Variants in DTWD1 observed in about 807,000 individuals in gnomAD.
The protein encoded by DTWD1 is tRNA-uridine aminocarboxypropyltransferase 1.
A neutral mutation model predicts 30.2 loss-of-function variants in DTWD1; 27 were observed. The ratio of observed to expected loss-of-function variants is 0.90; its 90% CI spans 0.66 to 1.23. The LOEUF is 1.23. Ranked by LOEUF, DTWD1 falls within the 50% of genes most tolerant of loss-of-function variation. DTWD1 has a pLI of 0.00. For synonymous variants in DTWD1, 99 were observed against 113.1 expected, an observed-to-expected ratio of 0.88 and a Z score of 0.79; for missense variants, 342 against 348.8, an observed-to-expected ratio of 0.98 and a Z score of 0.15.
At chr15:49,640,569 A>G (rs1598665553) in intron 4 of DTWD1, among the ~76,000 whole-genome samples, 1 of 152,212 alleles carries the variant, frequency 6.6e-6, no homozygotes, top group East Asian at 1.9e-4. Flanking sequence ...TAAGCGCTCC[A>G]TTGATCCATA....
rs1394028805 is a variant in DTWD1 at position 49,645,174 on chromosome 15, G to A, written c.*1596G>A. The A allele has an allele frequency of 6.6e-6, 1 of 152,132 alleles. No homozygotes were observed. The allele number at this position is 152,132 out of a possible 1,614,324, so 9.4% of individuals were successfully genotyped here. On this transcript the variant is annotated 3_prime_UTR_variant, in exon 5 of 5. Coordinates refer to ENST00000403028, the MANE Select transcript of DTWD1 (RefSeq NM_001144955.2). ...TATCTTAAACTTACTTGAATATGTAGCACCTATTAACATGCCATGGAAATA... is the reference window on the plus strand; with the variant it reads ...TATCTTAAACTTACTTGAATATGTAACACCTATTAACATGCCATGGAAATA...
intron 1 of DTWD1, among the ~76,000 whole-genome samples, chr15:49,624,725 A>T (rs1295866336): frequency 1.3e-5 from 2 of 152,176 alleles, no homozygotes; most frequent in Non-Finnish European, 2.9e-5. Flanking sequence ...AACATAACCA[A>T]CTAAATTTTG....
At chr15:49,641,451 A>G (rs1262747407) in intron 4 of DTWD1, among the ~76,000 whole-genome samples, 1 of 152,028 alleles carries the variant, frequency 6.6e-6, no homozygotes, top group Non-Finnish European at 1.5e-5. Flanking sequence ...GTTATTGTTA[A>G]TATCATTATT....
Position 49,625,170 on chromosome 15 carries a change from GTC to G in DTWD1, c.8_9del (p.Leu3GlnfsTer10). M[S>X]LNPPIFLKRS... ...TTAAACTTTGGTTTGAATGAAGAAT[GTC>G]TCTCAATCCACCTATATTTCTCAAA... On this transcript the variant is annotated frameshift_variant, in exon 2 of 5. Transcript: ENST00000403028. LOFTEE classifies it high-confidence loss of function. 6.2e-7 allele frequency: 1 copy of G among 1,612,016 alleles called. No homozygotes were observed. Among genetic ancestry groups the G allele is most frequent in the Non-Finnish European group, 8.5e-7 (1 of 1,178,814 alleles).
chr15:49,643,709 A>C lies in DTWD1; in HGVS notation c.*131A>C, dbSNP rs1186379616. 5.4e-6 allele frequency: 5 copies of C among 925,518 alleles called. No homozygotes were observed. The South Asian group carries it at 1.4e-4, about 25-fold the overall frequency. 57.3% of individuals were successfully genotyped at this position (925,518 alleles called of 1,614,324 possible). On this transcript the variant is annotated 3_prime_UTR_variant, in exon 5 of 5. Transcript: ENST00000403028. ...ATTTGAAAAAATTCCAGTTTCATAT[A>C]TATCACTTCATATTTCTTGAAGGAA...
At chr15:49,638,453 A>C (rs1055972993) in intron 4 of DTWD1, among the ~76,000 whole-genome samples, 1 of 152,158 alleles carries the variant, frequency 6.6e-6, no homozygotes, top group Non-Finnish European at 1.5e-5. Flanking sequence ...GACCTACTTC[A>C]ACCCCTGTCC....
Position 49,632,240 on chromosome 15 carries a change from C to A in DTWD1, c.346C>A (p.Pro116Thr), listed in dbSNP as rs1390152198. Residue 116 changes from proline (P) to threonine (T), a missense_variant, in exon 3 of 5, where the codon CCT becomes ACT. Physicochemically the swap from Pro to Thr is conservative, Grantham distance 38 (BLOSUM62 -1). Transcript: ENST00000403028. ...TGCTATACATGCAAAACTCTTAGCA[C>A]CTGAATTTGTAAACATTTACACGTA... ...STAIHAKLLA[P>T]EFVNIYTYPC... is the part of the protein sequence containing the mutation. 6 of 1,599,990 alleles carry A rather than the reference C, an allele frequency of 3.8e-6. No individual in the cohort carries two copies. Among genetic ancestry groups the A allele is most frequent in the Non-Finnish European group, 4.2e-6 (5 of 1,176,698 alleles).
At chr15:49,637,925 T>C (rs1286075989) in intron 4 of DTWD1, among the ~76,000 whole-genome samples, 1 of 152,220 alleles carries the variant, frequency 6.6e-6, no homozygotes, top group African/African-American at 2.4e-5. Flanking sequence ...TCTAATTGTG[T>C]GCGCTTTGTG....
chr15:49,638,749 A>T (rs1340556124), intron 4 of DTWD1, among the ~76,000 whole-genome samples: 4 of 152,170 alleles, frequency 2.6e-5, no homozygotes, highest in Non-Finnish European at 5.9e-5. Context: ...AACAATGTAA[A>T]ACCTTACTGT....
chr15:49,635,643 A>G (rs536999486), intron 4 of DTWD1, among the ~76,000 whole-genome samples: 6 of 151,588 alleles, frequency 4.0e-5, no homozygotes, highest in East Asian at 3.9e-4. Flanking sequence ...CAGGCACACC[A>G]TCACCACGCC....
Position 49,643,330 on chromosome 15 carries a change from G to A in DTWD1, c.668-1G>A. ...TCTTTTTTTTTTTTTTTTTTTGACA[G>A]GGTTGTTACAAGTTGAGTTGAAAAC... On this transcript the variant is annotated splice_acceptor_variant, in intron 4 of 4. Coordinates refer to ENST00000403028, the MANE Select transcript of DTWD1 (RefSeq NM_001144955.2). LOFTEE classifies it high-confidence loss of function. 1 of 1,411,876 alleles carries A rather than the reference G, an allele frequency of 7.1e-7. No homozygotes were observed. Among genetic ancestry groups the A allele is most frequent in the South Asian group, 1.6e-5 (1 of 63,720 alleles). The allele number at this position is 1,411,876 out of a possible 1,614,324, so 87.5% of individuals were successfully genotyped here. A position where few individuals can be genotyped will look rare whatever the true frequency, so the allele number is the denominator to read the frequency against.
At chr15:49,632,438 A>G in intron 3 of DTWD1, 136 bp downstream of exon 3, 1 of 812,006 alleles carries the variant, frequency 1.2e-6, no homozygotes. Flanking sequence ...ATGTTAGACA[A>G]TATACAGTTT....
At position 49,641,452 on chromosome 15, in the gene DTWD1, TATC is replaced by T. The variant is rs1204785705; in HGVS notation, c.668-1876_668-1874del. Among the ~76,000 whole-genome samples the T allele has an allele frequency of 5.9e-5, 9 of 152,254 alleles. No homozygotes were observed. The South Asian group carries it at 1.4e-3, about 25-fold the overall frequency. ...TCCTGGTTCACATTGTTATTGTTAA[TATC>T]ATTATTTTTGTCTGTCGTTTATTGT... is the stretch of plus-strand genomic sequence containing the variant. On this transcript the variant is annotated intron_variant, in intron 4 of 4. Transcript: ENST00000403028.
rs1380939216 is a variant in DTWD1 at position 49,654,635 on chromosome 15, C to T, written c.*11057C>T. The stretch of plus-strand genomic sequence containing the variant: ...CCTTAGTCAGTTTGGGCTAGTATAA[C>T]AGAAATATCATAGATTGAGTGACTT... On this transcript the variant is annotated 3_prime_UTR_variant, in exon 5 of 5. Coordinates refer to ENST00000403028, the MANE Select transcript of DTWD1 (RefSeq NM_001144955.2). 1 of 151,768 alleles carries T rather than the reference C, an allele frequency of 6.6e-6. No individual in the cohort carries two copies. The highest frequency in any genetic ancestry group is 2.4e-5 in the African/African-American group (1 of 41,320). 9.4% of individuals were successfully genotyped at this position (151,768 alleles called of 1,614,324 possible).
chr15:49,643,306 CTTT>C (rs5812490), intron 4 of DTWD1, 22 bp from the exon 5 acceptor site: 4,508 of 1,186,322 alleles, frequency 3.8e-3, no homozygotes, highest in East Asian at 5.9e-3. Context: ...TTCTTTCTTT[CTTT>C]TTTTTTTTTT....
Position 49,639,223 on chromosome 15 carries a change from G to A in DTWD1, c.668-4108G>A, listed in dbSNP as rs1478372903. Among the ~76,000 whole-genome samples the A allele has an allele frequency of 4.6e-5, 7 of 152,214 alleles. 1 individual carries two copies. The highest frequency in any genetic ancestry group is 1.7e-4 in the African/African-American group (7 of 41,532). Reference sequence around the variant, plus strand: ...TGAGGCAGCACTTTTGGAAGGAAAAGCCATTTGTAATTATCTACTTTAAGT... The same window carrying A: ...TGAGGCAGCACTTTTGGAAGGAAAAACCATTTGTAATTATCTACTTTAAGT... On this transcript the variant is annotated intron_variant, in intron 4 of 4. Coordinates refer to ENST00000403028, the MANE Select transcript of DTWD1 (RefSeq NM_001144955.2).
rs2079173261 is a variant in DTWD1, at chr15:49,655,620, A to C, written c.*12042A>C. On this transcript the variant is annotated 3_prime_UTR_variant, in exon 5 of 5. Coordinates refer to ENST00000403028, the MANE Select transcript of DTWD1 (RefSeq NM_001144955.2). ...TGGGGTGCTATAGATAATTCCCAAA[A>C]GATTATCTAGCCTACAGGGCCGATG... 1 of 152,060 alleles carries C rather than the reference A, an allele frequency of 6.6e-6. No homozygotes were observed. The highest frequency in any genetic ancestry group is 2.4e-5 in the African/African-American group (1 of 41,436). The allele number at this position is 152,060 out of a possible 1,614,324, so 9.4% of individuals were successfully genotyped here. A position where few individuals can be genotyped will look rare whatever the true frequency, so the allele number is the denominator to read the frequency against.
chr15:49,650,650 G>T lies in DTWD1; in HGVS notation c.*7072G>T, dbSNP rs1442410373. On this transcript the variant is annotated 3_prime_UTR_variant, in exon 5 of 5. Transcript: ENST00000403028. ...TTCATCTGCAACAGCTATAGAAAAA[G>T]CTTCACCTGAGGTTACCCTCGTCTT... 6.6e-6 allele frequency: 1 copy of T among 152,150 alleles called. No homozygotes were observed. Among genetic ancestry groups the T allele is most frequent in the Non-Finnish European group, 1.5e-5 (1 of 68,028 alleles). The allele number at this position is 152,150 out of a possible 1,614,324, so 9.4% of individuals were successfully genotyped here.
chr15:49,627,966 A>T (rs772464345), intron 2 of DTWD1, among the ~76,000 whole-genome samples: 31 of 152,358 alleles, frequency 2.0e-4, no homozygotes, highest in South Asian at 1.0e-3. Flanking sequence ...TAAACTTTTT[A>T]AAAAACTTGT....
Sources: allele counts gnomAD v4.1 joint callset (sites outside exome capture counted in the v4.1 genomes callset), GRCh38; gene constraint gnomAD v4.1.1; transcripts MANE v1.5; gene names NCBI Gene and HGNC (gene_info 2026-07-23, HGNC 2026-07-21).